Variants in NPY2R observed in about 807,000 individuals in gnomAD.
The protein encoded by NPY2R is neuropeptide Y receptor type 2.
A neutral mutation model predicts 22.3 loss-of-function variants in NPY2R; 17 were observed. The observed-to-expected ratio is 0.76, with a 90% CI of 0.52 to 1.14. NPY2R has a LOEUF of 1.14. Ranked by LOEUF, NPY2R falls within the 50% of genes most tolerant of loss-of-function variation. NPY2R has a pLI of 0.00. For missense variants in NPY2R, 424 were observed against 467.9 expected (o/e 0.91, Z 0.87); for synonymous variants, 209 against 183.4 (o/e 1.14, Z -1.13).
At chr4:155,174,485 T>TATATATATATATATATATATATATATATA in the NPY2R span, among the ~76,000 whole-genome samples, 21 of 41,634 alleles carry the variant, frequency 5.0e-4, no homozygotes, top group African/African-American at 1.3e-3. Flanking sequence ...TATATATATA[T>TATATATATATATATATATATATATATATA]TTTTTTTTTT....
chr4:155,198,868 T>G, the NPY2R span, among the ~76,000 whole-genome samples: 1 of 151,894 alleles, frequency 6.6e-6, no homozygotes, highest in African/African-American at 2.4e-5. Context: ...ACTTCCTTCC[T>G]CCTGGGCTAT....
the NPY2R span, among the ~76,000 whole-genome samples, chr4:155,188,696 C>T: frequency 1.3e-5 from 2 of 152,106 alleles, no homozygotes; most frequent in Non-Finnish European, 2.9e-5. Flanking sequence ...CAACAGCTAG[C>T]AAGGAGATGA....
the NPY2R span, among the ~76,000 whole-genome samples, chr4:155,182,028 A>G: frequency 5.3e-5 from 8 of 152,316 alleles, no homozygotes; most frequent in East Asian, 1.9e-4. Flanking sequence ...GGTTTCCCCA[A>G]TAAGCAGTAG....
chr4:155,196,751 G>C, the NPY2R span, among the ~76,000 whole-genome samples: 1 of 151,808 alleles, frequency 6.6e-6, no homozygotes, highest in Non-Finnish European at 1.5e-5. Context: ...GTGCCTTCCA[G>C]ATGTACCAAA....
chr4:155,192,372 G>A, the NPY2R span, among the ~76,000 whole-genome samples: 971 of 151,782 alleles, frequency 6.4e-3, 16 homozygotes, highest in African/African-American at 0.022. Flanking sequence ...TGTCTGATTT[G>A]GGGTGAGAAT....
the NPY2R span, among the ~76,000 whole-genome samples, chr4:155,183,589 G>A: frequency 1.3e-5 from 2 of 152,140 alleles, no homozygotes; most frequent in African/African-American, 4.8e-5. Context: ...AATTTTTAAT[G>A]ATTTTTTTAA....
At chr4:155,181,409 T>C in the NPY2R span, among the ~76,000 whole-genome samples, 1 of 152,200 alleles carries the variant, frequency 6.6e-6, no homozygotes, top group East Asian at 1.9e-4. Context: ...GGAATACATA[T>C]AGAATATGCC....
rs1729454455 is a variant in NPY2R, at chr4:155,213,903, T to C, written c.-37T>C. On this transcript the variant is annotated 5_prime_UTR_variant, in exon 2 of 2. Coordinates refer to ENST00000329476, the MANE Select transcript of NPY2R (RefSeq NM_000910.4). ...TTTTTTCTTTTTAGGTTGTAGACTC[T>C]TGTGCTGGTTGCAGGCCAAGTGGAC... is the stretch of plus-strand genomic sequence containing the variant. 1.9e-6 allele frequency: 3 copies of C among 1,552,706 alleles called. No homozygotes were observed. Among genetic ancestry groups the C allele is most frequent in the Non-Finnish European group, 2.7e-6 (3 of 1,124,484 alleles).
chr4:155,189,137 A>G, the NPY2R span, among the ~76,000 whole-genome samples: 2 of 152,204 alleles, frequency 1.3e-5, no homozygotes, highest in East Asian at 3.9e-4. Context: ...CATTGCTACC[A>G]GAATGTTCTT....
chr4:155,179,223 T>C, the NPY2R span, among the ~76,000 whole-genome samples: 42 of 151,074 alleles, frequency 2.8e-4, 1 homozygote, highest in African/African-American at 1.0e-3. Context: ...AATTCTATCA[T>C]ATCTTTATTT....
the NPY2R span, among the ~76,000 whole-genome samples, chr4:155,195,034 T>G: frequency 1.3e-5 from 2 of 152,008 alleles, no homozygotes; most frequent in African/African-American, 4.8e-5. Flanking sequence ...GTGTATGTCT[T>G]CTAACTACAA....
chr4:155,175,065 C>T, the NPY2R span, among the ~76,000 whole-genome samples: 2 of 152,074 alleles, frequency 1.3e-5, no homozygotes, highest in African/African-American at 4.8e-5. Context: ...TTAGGACCCA[C>T]CTTGCTCTTC....
intron 1 of NPY2R, among the ~76,000 whole-genome samples, chr4:155,210,175 T>C (rs1202337017): frequency 1.3e-5 from 2 of 152,202 alleles, no homozygotes; most frequent in African/African-American, 2.4e-5. Flanking sequence ...CTGTGTACCA[T>C]TTTCCTTTCC....
chr4:155,181,233 G>A, the NPY2R span, among the ~76,000 whole-genome samples: 4 of 152,144 alleles, frequency 2.6e-5, no homozygotes, highest in Admixed American at 6.6e-5. Context: ...TGATACTTCA[G>A]GATATCTAGA....
At chr4:155,181,592 G>A in the NPY2R span, among the ~76,000 whole-genome samples, 1 of 152,152 alleles carries the variant, frequency 6.6e-6, no homozygotes, top group African/African-American at 2.4e-5. Context: ...AATGGGATTA[G>A]TATCCTTATA....
the NPY2R span, among the ~76,000 whole-genome samples, chr4:155,181,895 G>A: frequency 6.6e-6 from 1 of 152,164 alleles, no homozygotes; most frequent in African/African-American, 2.4e-5. Flanking sequence ...CTTTGTAGAG[G>A]AAGGATGAAC....
the NPY2R span, among the ~76,000 whole-genome samples, chr4:155,191,215 A>G: frequency 1.3e-5 from 2 of 151,904 alleles, no homozygotes; most frequent in East Asian, 3.9e-4. Flanking sequence ...AGAAAAAGAC[A>G]CAGGCACTTA....
the NPY2R span, among the ~76,000 whole-genome samples, chr4:155,188,269 C>G: frequency 0.047 from 7,147 of 152,118 alleles, 529 homozygotes; most frequent in African/African-American, 0.16. Flanking sequence ...ATTCCCCATA[C>G]AAAAGAATCA....
chr4:155,198,166 G>A, the NPY2R span, among the ~76,000 whole-genome samples: 503 of 151,992 alleles, frequency 3.3e-3, 1 homozygote, highest in Non-Finnish European at 5.8e-3. Flanking sequence ...TCATGTCTGG[G>A]CTTTCCTCTA....
Sources: allele counts gnomAD v4.1 joint callset (sites outside exome capture counted in the v4.1 genomes callset), GRCh38; gene constraint gnomAD v4.1.1; transcripts MANE v1.5; gene names NCBI Gene and HGNC (gene_info 2026-07-23, HGNC 2026-07-21).